The following BABAM2 variants were observed in gnomAD, a reference collection of about 807,000 sequenced individuals.
The protein encoded by BABAM2 is BRISC and BRCA1-A complex member 2.
BABAM2 carries 31 observed loss-of-function variants against 54.7 expected under a neutral mutation model. The ratio of observed to expected loss-of-function variants is 0.57; its 90% CI spans 0.43 to 0.77. The LOEUF is 0.77. Among genes scored for constraint, BABAM2 ranks in the 30% least tolerant of loss-of-function variants. The probability of loss-of-function intolerance (pLI) is 0.00; values close to 1 mark genes in which losing one functional copy is unlikely to be tolerated. For synonymous variants in BABAM2, 167 were observed against 162.9 expected, an observed-to-expected ratio of 1.03 and a Z score of -0.19; for missense variants, 364 against 455.8, an observed-to-expected ratio of 0.80 and a Z score of 1.83.
rs1052145670 is a variant in BABAM2, at chr2:28,304,657, A to G, written c.1088+6166A>G. Among the ~76,000 whole-genome samples, 6 of 151,922 alleles carry G rather than the reference A, an allele frequency of 3.9e-5. No homozygotes were observed. Among genetic ancestry groups the G allele is most frequent in the Admixed American group, 1.3e-4 (2 of 15,234 alleles). Reference sequence around the variant, plus strand: ...AGTGGCATTATCTTGGCTCACTGCAACCTCACCTCCCAGGTTCTAGCAATT... The same window carrying G: ...AGTGGCATTATCTTGGCTCACTGCAGCCTCACCTCCCAGGTTCTAGCAATT... On this transcript the variant is annotated intron_variant, in intron 11 of 11. Coordinates refer to ENST00000379624, the MANE Select transcript of BABAM2 (RefSeq NM_199191.3). This position sits in a 1 kb window ranked among gnomAD's most constrained non-coding sequence, Gnocchi z 4.0.
chr2:28,119,997 T>A (rs1428374694), intron 6 of BABAM2, among the ~76,000 whole-genome samples: 1 of 152,244 alleles, frequency 6.6e-6, no homozygotes, highest in Non-Finnish European at 1.5e-5. Flanking sequence ...CACCTTAGAA[T>A]GCCATGGTCC....
intron 9 of BABAM2, among the ~76,000 whole-genome samples, chr2:28,241,835 T>A (rs1391586965): frequency 6.7e-6 from 1 of 150,176 alleles, no homozygotes; most frequent in Non-Finnish European, 1.5e-5. Context: ...CTTTTTGGTA[T>A]GCTGTTCATA....
At chr2:28,315,069 G>C (rs1039589510) in intron 11 of BABAM2, among the ~76,000 whole-genome samples, 15 of 144,040 alleles carry the variant, frequency 1.0e-4, no homozygotes, top group Non-Finnish European at 1.7e-4. Flanking sequence ...AGGGGAAAGG[G>C]GGGAGGGAAG....
intron 3 of BABAM2, among the ~76,000 whole-genome samples, chr2:27,987,261 A>G (rs1174987114): frequency 2.0e-5 from 3 of 152,242 alleles, no homozygotes; most frequent in Non-Finnish European, 4.4e-5. Flanking sequence ...TTTGTGAACT[A>G]TAAGCCATAT....
chr2:28,197,183 G>C (rs1573815366), intron 7 of BABAM2, among the ~76,000 whole-genome samples: 3 of 152,150 alleles, frequency 2.0e-5, no homozygotes, highest in African/African-American at 7.2e-5. Context: ...TAAGGCAGGA[G>C]ACTATTTCAT....
chr2:28,263,441 T>A (rs1160515932), intron 10 of BABAM2, among the ~76,000 whole-genome samples: 1 of 152,174 alleles, frequency 6.6e-6, no homozygotes, highest in Admixed American at 6.5e-5. Context: ...CCAGATCTCT[T>A]GTTCCTAGCA....
chr2:28,245,161 T>C (rs75687027), intron 10 of BABAM2, among the ~76,000 whole-genome samples: 1,658 of 152,178 alleles, frequency 0.011, 12 homozygotes, highest in Non-Finnish European at 0.017. Context: ...GTGATGCAGC[T>C]AAACATCCTA....
intron 7 of BABAM2, among the ~76,000 whole-genome samples, chr2:28,146,290 C>A (rs1029402544): frequency 6.6e-6 from 1 of 152,162 alleles, no homozygotes; most frequent in Non-Finnish European, 1.5e-5. Flanking sequence ...CTTAAGCTCA[C>A]TTGTTGAAGT....
chr2:28,085,246 ATTAAGCT>A (rs1439413672), intron 6 of BABAM2, among the ~76,000 whole-genome samples: 1 of 152,220 alleles, frequency 6.6e-6, no homozygotes, highest in East Asian at 1.9e-4. Context: ...TAAGGTGCAT[ATTAAGCT>A]TTATTAAACA....
intron 3 of BABAM2, among the ~76,000 whole-genome samples, chr2:27,963,299 G>A (rs566381310): frequency 3.3e-5 from 5 of 152,008 alleles, no homozygotes; most frequent in Non-Finnish European, 5.9e-5. Context: ...GCAAAACCCC[G>A]TGTCTACTAA....
chr2:28,294,532 G>GA (rs1316221299), intron 10 of BABAM2, among the ~76,000 whole-genome samples: 1 of 152,188 alleles, frequency 6.6e-6, no homozygotes, highest in Non-Finnish European at 1.5e-5. Context: ...CTATGCATCA[G>GA]AAAATCATGA....
intron 7 of BABAM2, among the ~76,000 whole-genome samples, chr2:28,148,661 C>T (rs911391949): frequency 2.0e-5 from 3 of 152,264 alleles, no homozygotes; most frequent in African/African-American, 7.2e-5. Context: ...CAGTACAAGT[C>T]CATATACCAG....
At chr2:27,918,966 A>C (rs1222538654) in intron 2 of BABAM2, among the ~76,000 whole-genome samples, 1 of 152,222 alleles carries the variant, frequency 6.6e-6, no homozygotes, top group Non-Finnish European at 1.5e-5. Flanking sequence ...CTAAGATTAC[A>C]GGCATGAGCC....
At chr2:28,116,750 A>T (rs544505259) in intron 6 of BABAM2, among the ~76,000 whole-genome samples, 1 of 152,338 alleles carries the variant, frequency 6.6e-6, no homozygotes, top group East Asian at 1.9e-4. Context: ...TAACTTATTG[A>T]GCACCTTCCT....
chr2:28,291,162 A>AT (rs1443936597), intron 10 of BABAM2, among the ~76,000 whole-genome samples: 1 of 152,232 alleles, frequency 6.6e-6, no homozygotes, highest in African/African-American at 2.4e-5. Flanking sequence ...ATCATCACTA[A>AT]TTAATGGTGT....
chr2:28,243,883 G>A (rs72784730), intron 9 of BABAM2, among the ~76,000 whole-genome samples: 15,090 of 152,136 alleles, frequency 0.099, 1,074 homozygotes, highest in African/African-American at 0.2. Context: ...ATCAATATCA[G>A]TGGTCTGATT....
chr2:28,130,737 T>TTTTG (rs1212205693), intron 7 of BABAM2, among the ~76,000 whole-genome samples: 3 of 151,692 alleles, frequency 2.0e-5, no homozygotes, highest in South Asian at 2.1e-4. Context: ...GTTTTTTGTT[T>TTTTG]TTTGTTTGTT....
At chr2:28,211,206 C>G (rs1679416820) in intron 7 of BABAM2, among the ~76,000 whole-genome samples, 1 of 152,144 alleles carries the variant, frequency 6.6e-6, no homozygotes, top group Non-Finnish European at 1.5e-5. Context: ...ACTCTAGACT[C>G]CAAGAGATCA....
At chr2:28,019,802 G>A (rs934207280) in intron 4 of BABAM2, among the ~76,000 whole-genome samples, 3 of 152,172 alleles carry the variant, frequency 2.0e-5, no homozygotes, top group Admixed American at 1.3e-4. Context: ...TCAAATGGCT[G>A]TAAGTATTTG....
Sources: allele counts gnomAD v4.1 joint callset (sites outside exome capture counted in the v4.1 genomes callset), GRCh38; gene constraint gnomAD v4.1.1; non-coding constraint Gnocchi (gnomAD v3.1); transcripts MANE v1.5; gene names NCBI Gene and HGNC (gene_info 2026-07-23, HGNC 2026-07-21).